STON1: variants seen among roughly 807,000 people sequenced by gnomAD.
STON1 encodes the protein stonin-1.
Under a neutral mutation model 60.9 loss-of-function variants are expected in STON1, and 79 were observed. That is an observed-to-expected ratio of 1.30 (90% CI 1.08 to 1.56). The LOEUF is 1.56. STON1 is among the 40% of genes most tolerant of loss of function. The pLI, the probability that STON1 is intolerant of heterozygous loss-of-function variation, is 0.00. For synonymous variants in STON1, 363 were observed against 306.9 expected, an observed-to-expected ratio of 1.18 and a Z score of -1.91; for missense variants, 1,166 against 858.9, an observed-to-expected ratio of 1.36 and a Z score of -4.47.
chr2:48,586,984 G>C (rs1674245195), intron 2 of STON1, among the ~76,000 whole-genome samples: 1 of 152,130 alleles, frequency 6.6e-6, no homozygotes, highest in African/African-American at 2.4e-5. Flanking sequence ...TGGTGGATAG[G>C]TGGGCAATGG....
chr2:48,585,221 A>T (rs56187089), intron 2 of STON1, among the ~76,000 whole-genome samples: 17,953 of 151,398 alleles, frequency 0.12, 1,436 homozygotes, highest in Middle Eastern at 0.25. Flanking sequence ...CTATGATATA[A>T]TCCACTGAGA....
At position 48,582,423 on chromosome 2, in the gene STON1, T is replaced by G. The variant is rs1204117429; in HGVS notation, c.1790T>G (p.Met597Arg). ...AGGCAGAAGTCTCTGAAAGCTAAAA[T>G]GAACCGCCGAGCATGTCTGGGGAGT... The part of the protein sequence containing the change: ...LQRQKSLKAK[M>R]NRRACLGSLQ... Residue 597 changes from methionine (M) to arginine (R), a missense_variant, in exon 2 of 4, where the codon ATG becomes AGG. Transcript: ENST00000404752. 6.2e-7 allele frequency: 1 copy of G among 1,614,186 alleles called. No individual in the cohort carries two copies. Among genetic ancestry groups the G allele is most frequent in the Non-Finnish European group, 8.5e-7 (1 of 1,180,040 alleles).
At chr2:48,541,943 G>C (rs1317367693) in intron 1 of STON1, among the ~76,000 whole-genome samples, 1 of 152,132 alleles carries the variant, frequency 6.6e-6, no homozygotes, top group African/African-American at 2.4e-5. Flanking sequence ...CAACCATGCT[G>C]CTCCAGTCCC....
chr2:48,543,313 T>G (rs1671734589), intron 1 of STON1, among the ~76,000 whole-genome samples: 1 of 152,070 alleles, frequency 6.6e-6, no homozygotes. Context: ...AGATTTATTT[T>G]GGGCGAATTT....
chr2:48,553,612 C>T (rs920767818), intron 1 of STON1, among the ~76,000 whole-genome samples: 2 of 152,056 alleles, frequency 1.3e-5, no homozygotes, highest in Non-Finnish European at 2.9e-5. Context: ...CTCAGCCTCC[C>T]AAGTAGCTGG....
chr2:48,581,128 C>A lies in STON1; in HGVS notation c.495C>A (p.Phe165Leu). Reference protein sequence around the residue: ...VNPQQAESLGFQSDDLPQFQY... With the variant: ...VNPQQAESLGLQSDDLPQFQY... ...CTCAACAGGCTGAAAGCCTAGGATTCCAAAGTGATGATCTCCCCCAGTTTC... is the reference window on the plus strand; with the variant it reads ...CTCAACAGGCTGAAAGCCTAGGATTACAAAGTGATGATCTCCCCCAGTTTC... The change falls in exon 2 of 4, where the codon TTC (phenylalanine) becomes TTA (leucine). Residue 165 changes from phenylalanine (F) to leucine (L), a missense_variant. By Grantham distance (22) the Phe-to-Leu change is conservative (BLOSUM62 0). Coordinates refer to ENST00000404752, the MANE Select transcript of STON1 (RefSeq NM_006873.4). 1 of 1,588,048 alleles carries A rather than the reference C, an allele frequency of 6.3e-7. No homozygotes were observed. The highest frequency in any genetic ancestry group is 1.2e-5 in the South Asian group (1 of 85,264).
intron 1 of STON1, among the ~76,000 whole-genome samples, chr2:48,569,509 T>G (rs925348979): frequency 1.3e-5 from 2 of 152,214 alleles, no homozygotes; most frequent in Admixed American, 1.3e-4. Context: ...CATTTAAAAT[T>G]ATTCAATCAG....
chr2:48,575,749 G>GTT (rs1248081500), intron 1 of STON1, among the ~76,000 whole-genome samples: 1 of 110,950 alleles, frequency 9.0e-6, no homozygotes, highest in South Asian at 3.1e-4. Context: ...TCTATTTTTA[G>GTT]TTTTTGTTTG....
At chr2:48,564,733 CTTTTTTTT>C in intron 1 of STON1, among the ~76,000 whole-genome samples, 1 of 100,908 alleles carries the variant, frequency 9.9e-6, no homozygotes, top group South Asian at 3.3e-4. Flanking sequence ...TTCTTTCTTT[CTTTTTTTT>C]TTTTTTTTTA....
intron 2 of STON1, among the ~76,000 whole-genome samples, chr2:48,583,763 T>C (rs150948456): frequency 4.0e-5 from 6 of 151,096 alleles, no homozygotes; most frequent in Non-Finnish European, 7.4e-5. Flanking sequence ...TCTTTTTTTT[T>C]TTTTTTTGAG....
chr2:48,565,446 A>C (rs966811283), intron 1 of STON1, among the ~76,000 whole-genome samples: 2 of 152,144 alleles, frequency 1.3e-5, no homozygotes, highest in South Asian at 4.1e-4. Flanking sequence ...ATATCATCAC[A>C]TTGGGATTCA....
intron 1 of STON1, among the ~76,000 whole-genome samples, chr2:48,577,494 T>G (rs1206134638): frequency 6.6e-6 from 1 of 151,126 alleles, no homozygotes; most frequent in Non-Finnish European, 1.5e-5. Context: ...GGCAGGAGAA[T>G]TGATTGAACC....
rs181113097 is a variant in STON1 at position 48,567,623 on chromosome 2, G to C, written c.-47-12964G>C. ...GACGGGGTTTTGCCATGTTGGTTTC[G>C]GACTCCTGACCTCAGGTGATCTGCC... On this transcript the variant is annotated intron_variant, in intron 1 of 3. Transcript: ENST00000404752. 7.0e-3 allele frequency among the ~76,000 whole-genome samples: 1,071 copies of C among 152,154 alleles called. 6 individuals are homozygous for C. Among genetic ancestry groups the C allele is most frequent in the Non-Finnish European group, 0.011 (741 of 68,000 alleles).
At chr2:48,563,160 C>T (rs1672677748) in intron 1 of STON1, among the ~76,000 whole-genome samples, 1 of 152,168 alleles carries the variant, frequency 6.6e-6, no homozygotes, top group South Asian at 2.1e-4. Flanking sequence ...TTGCAGAGAC[C>T]CATTCCCATG....
At chr2:48,562,223 C>T (rs776941058) in intron 1 of STON1, among the ~76,000 whole-genome samples, 1 of 152,192 alleles carries the variant, frequency 6.6e-6, no homozygotes, top group Non-Finnish European at 1.5e-5. Context: ...GCTGTTCTGA[C>T]TTGCTTGATT....
intron 1 of STON1, among the ~76,000 whole-genome samples, chr2:48,578,348 C>A (rs905776097): frequency 6.6e-6 from 1 of 152,192 alleles, no homozygotes; most frequent in African/African-American, 2.4e-5. Flanking sequence ...AGCCCACAGG[C>A]TACATGTAGT....
chr2:48,578,139 T>TA (rs970420924), intron 1 of STON1, among the ~76,000 whole-genome samples: 2 of 152,102 alleles, frequency 1.3e-5, no homozygotes, highest in African/African-American at 4.8e-5. Flanking sequence ...CAGGCCTGGC[T>TA]AATTTTTTTG....
rs78822091 is a variant in STON1, at chr2:48,560,422, T to A, written c.-47-20165T>A. Among the ~76,000 whole-genome samples, 1,429 of 152,286 alleles carry A rather than the reference T, an allele frequency of 9.4e-3. 22 individuals are homozygous for A. The highest frequency in any genetic ancestry group is 0.032 in the African/African-American group (1,333 of 41,548). ...GGGGACCCCTTAGGGATAATGCCCT[T>A]TCTCATTTGTCTTTGAGTGCCCTGC... On this transcript the variant is annotated intron_variant, in intron 1 of 3. Transcript: ENST00000404752.
At chr2:48,551,746 T>A (rs1457477005) in intron 1 of STON1, among the ~76,000 whole-genome samples, 2 of 152,192 alleles carry the variant, frequency 1.3e-5, no homozygotes. Flanking sequence ...GGCTGAAGTG[T>A]CAGGTACATT....
Sources: gnomAD v4.1 joint callset for allele counts (sites outside exome capture counted in the v4.1 genomes callset) on GRCh38, gnomAD v4.1.1 for gene constraint, MANE v1.5 for transcripts, NCBI Gene and HGNC (gene_info 2026-07-23, HGNC 2026-07-21) for gene names.